Variants in PPP2R2C observed in about 807,000 individuals in gnomAD.
The protein encoded by PPP2R2C is protein phosphatase 2, regulatory subunit B, gamma.
PPP2R2C carries 10 observed loss-of-function variants against 45.3 expected under a neutral mutation model. The observed-to-expected ratio is 0.22, with a 90% CI of 0.14 to 0.37. The LOEUF is 0.37. Ranked by LOEUF, PPP2R2C falls within the 10% of genes least tolerant of loss-of-function variation. PPP2R2C has a pLI of 1.00. For synonymous variants in PPP2R2C, 257 were observed against 245.4 expected (o/e 1.05, Z -0.44); for missense variants, 308 against 619.7 (o/e 0.50, Z 5.34).
intron 1 of PPP2R2C, among the ~76,000 whole-genome samples, chr4:6,466,092 T>C (rs55711322): frequency 0.56 from 85,808 of 151,970 alleles, 25,753 homozygotes; most frequent in East Asian, 0.68. Flanking sequence ...CTTGGAGCAT[T>C]ATTTGAAAGC....
chr4:6,516,106 G>A (rs549820320), intron 2 of PPP2R2C, among the ~76,000 whole-genome samples: 3 of 152,300 alleles, frequency 2.0e-5, no homozygotes, highest in South Asian at 4.1e-4. Context: ...CGCATTCTGA[G>A]AAACTGAATT....
intron 1 of PPP2R2C, among the ~76,000 whole-genome samples, chr4:6,436,793 G>A (rs1719919395): frequency 6.6e-6 from 1 of 152,202 alleles, no homozygotes; most frequent in Non-Finnish European, 1.5e-5. Context: ...ACATAGGTGT[G>A]ACTGCATCTT....
At chr4:6,352,521 C>G (rs974387348) in intron 5 of PPP2R2C, among the ~76,000 whole-genome samples, 13 of 152,230 alleles carry the variant, frequency 8.5e-5, no homozygotes, top group African/African-American at 3.1e-4. Context: ...CTTCTGTTTT[C>G]CCATCTAATT....
chr4:6,518,626 T>A (rs1206347164), intron 2 of PPP2R2C, among the ~76,000 whole-genome samples: 1 of 152,094 alleles, frequency 6.6e-6, no homozygotes, highest in African/African-American at 2.4e-5. Context: ...TAGGCCTATA[T>A]CTATTAAAGA....
intron 1 of PPP2R2C, chr4:6,381,944 C>A (rs571006007): frequency 6.0e-6 from 9 of 1,509,670 alleles, no homozygotes; most frequent in Non-Finnish European, 8.0e-6. Flanking sequence ...GTGGCCTGCA[C>A]ATTCTGGGTG....
In PPP2R2C at chr4:6,378,349, A is replaced by T. The variant is rs1269454242; in HGVS notation, c.334+58T>A. On this transcript the variant is annotated intron_variant, in intron 3 of 8. Coordinates refer to ENST00000382599, the MANE Select transcript of PPP2R2C (RefSeq NM_020416.4). This position sits in a 1 kb window ranked among gnomAD's most constrained non-coding sequence, Gnocchi z 5.2. ...CAATATAAGTGAAATACAAACCAGCATTTGGTAGAAACATCTACGGCCTGT... is the reference window on the plus strand; with the variant it reads ...CAATATAAGTGAAATACAAACCAGCTTTTGGTAGAAACATCTACGGCCTGT... The T allele has an allele frequency of 8.7e-6, 14 of 1,609,518 alleles. No individual in the cohort carries two copies. The highest frequency in any genetic ancestry group is 8.4e-5 in the Admixed American group (5 of 59,204).
chr4:6,561,515 A>G (rs1045976690), intron 1 of PPP2R2C, among the ~76,000 whole-genome samples: 2 of 152,048 alleles, frequency 1.3e-5, no homozygotes, highest in African/African-American at 4.8e-5. Flanking sequence ...TACTCCAACT[A>G]TTTCCATATT....
Position 6,499,296 on chromosome 4 carries a change from G to A in PPP2R2C, c.49+35975C>T, listed in dbSNP as rs550376540. Among the ~76,000 whole-genome samples, 3 of 152,292 alleles carry A rather than the reference G, an allele frequency of 2.0e-5. No individual in the cohort carries two copies. In the South Asian group the frequency reaches 6.2e-4, roughly 32 times the overall value. On this transcript the variant is annotated intron_variant, in intron 2 of 9. Transcript: ENST00000506140. ...GTGTCTGGCTCAGGAAATATTGAGG[G>A]AATCAGATAGGCATGAAGTACATTC...
At chr4:6,443,914 G>GCAGCAGCC (rs1303658530) in intron 1 of PPP2R2C, among the ~76,000 whole-genome samples, 34 of 152,266 alleles carry the variant, frequency 2.2e-4, no homozygotes, top group Admixed American at 5.2e-4. Flanking sequence ...CTCCAACACA[G>GCAGCAGCC]CAGCAGCCCA....
At chr4:6,534,672 C>T (rs1358234461) in intron 2 of PPP2R2C, among the ~76,000 whole-genome samples, 1 of 152,164 alleles carries the variant, frequency 6.6e-6, no homozygotes, top group Non-Finnish European at 1.5e-5. Flanking sequence ...CACACCAACA[C>T]ACACCCCCCA....
chr4:6,340,855 T>C (rs928244136), intron 6 of PPP2R2C, among the ~76,000 whole-genome samples: 2 of 152,232 alleles, frequency 1.3e-5, no homozygotes, highest in Non-Finnish European at 2.9e-5. Context: ...CACACACCTC[T>C]CTGACCTCAC....
At chr4:6,356,641 C>T (rs564222764) in intron 5 of PPP2R2C, among the ~76,000 whole-genome samples, 10 of 152,366 alleles carry the variant, frequency 6.6e-5, no homozygotes, top group Non-Finnish European at 1.5e-4. Flanking sequence ...AGGTAGTCCA[C>T]GTGAAGCGCT....
intron 1 of PPP2R2C, chr4:6,383,195 C>T: frequency 8.4e-7 from 1 of 1,188,288 alleles, no homozygotes; most frequent in Non-Finnish European, 1.1e-6. Context: ...GGCTGGCCCA[C>T]TGGCCCCTGA....
chr4:6,393,333 T>C (rs2109336363), intron 1 of PPP2R2C, among the ~76,000 whole-genome samples: 1 of 152,358 alleles, frequency 6.6e-6, no homozygotes, highest in South Asian at 2.1e-4. Context: ...AATAGAATCA[T>C]ACAGCAGCAC....
chr4:6,543,215 C>T (rs540548407), intron 1 of PPP2R2C, among the ~76,000 whole-genome samples: 1 of 152,326 alleles, frequency 6.6e-6, no homozygotes, highest in South Asian at 2.1e-4. Context: ...TCACAGTCAG[C>T]CACAGCTGTC....
intron 1 of PPP2R2C, among the ~76,000 whole-genome samples, chr4:6,461,268 C>A (rs1402108589): frequency 2.6e-5 from 4 of 152,162 alleles, no homozygotes; most frequent in Non-Finnish European, 5.9e-5. Context: ...GTCTCCAGCA[C>A]AGGATTCTTA....
At chr4:6,463,810 T>C (rs1721455439) in intron 1 of PPP2R2C, among the ~76,000 whole-genome samples, 1 of 152,252 alleles carries the variant, frequency 6.6e-6, no homozygotes, top group African/African-American at 2.4e-5. Context: ...CCTCTGCCAC[T>C]GCCATCTACC....
At chr4:6,552,321 C>A (rs1343136180) in intron 1 of PPP2R2C, among the ~76,000 whole-genome samples, 1 of 152,214 alleles carries the variant, frequency 6.6e-6, no homozygotes, top group African/African-American at 2.4e-5. Flanking sequence ...ATCAGCCTCA[C>A]TGGGCTAAAG....
chr4:6,475,592 A>C (rs934850411), upstream of PPP2R2C, among the ~76,000 whole-genome samples: 1 of 152,156 alleles, frequency 6.6e-6, no homozygotes, highest in Admixed American at 6.5e-5. Flanking sequence ...CAGTGGACGC[A>C]TGCTGGCCTC....
Sources: allele counts gnomAD v4.1 joint callset (sites outside exome capture counted in the v4.1 genomes callset), GRCh38; gene constraint gnomAD v4.1.1; non-coding constraint Gnocchi (gnomAD v3.1); transcripts MANE v1.5; gene names NCBI Gene and HGNC (gene_info 2026-07-23, HGNC 2026-07-21).